ETV6: variants seen among roughly 807,000 people sequenced by gnomAD.
ETV6 encodes ETS variant transcription factor 6, also known as transcription factor ETV6.
A neutral mutation model predicts 51.1 loss-of-function variants in ETV6; 16 were observed. That is an observed-to-expected ratio of 0.31 (90% CI 0.21 to 0.48). ETV6 has a LOEUF of 0.48. ETV6 is among the 20% of genes least tolerant of loss of function. The probability of loss-of-function intolerance (pLI) is 0.99; values close to 1 mark genes in which losing one functional copy is unlikely to be tolerated. For synonymous variants in ETV6, 240 were observed against 224.1 expected (o/e 1.07, Z -0.64); for missense variants, 458 against 594.8 (o/e 0.77, Z 2.39).
intron 4 of ETV6, among the ~76,000 whole-genome samples, chr12:11,854,153 G>A (rs915813692): frequency 1.3e-5 from 2 of 152,054 alleles, no homozygotes; most frequent in Non-Finnish European, 2.9e-5. Flanking sequence ...TCAGCCATTA[G>A]ATTCCCGTAA....
At position 11,874,670 on chromosome 12, in the gene ETV6, ATGTG is replaced by A. The variant is rs1404133180; in HGVS notation, c.1009+4705_1009+4708del. On this transcript the variant is annotated intron_variant, in intron 5 of 7. Coordinates refer to ENST00000396373, the MANE Select transcript of ETV6 (RefSeq NM_001987.5). ...TACACATATGTGTGTATATGTATAT[ATGTG>A]TGTATATATGTATATGTGTGTATAT... Among the ~76,000 whole-genome samples the A allele has an allele frequency of 7.6e-4, 3 of 3,922 alleles. 1 individual carries two copies. Among genetic ancestry groups the A allele is most frequent in the African/African-American group, 8.4e-4 (3 of 3,582 alleles). 2.6% of individuals were successfully genotyped at this position (3,922 alleles called of 152,430 possible). A position where few individuals can be genotyped will look rare whatever the true frequency, so the allele number is the denominator to read the frequency against.
At chr12:11,842,504 A>G (rs886869313) in intron 3 of ETV6, among the ~76,000 whole-genome samples, 3 of 151,976 alleles carry the variant, frequency 2.0e-5, no homozygotes, top group Non-Finnish European at 4.4e-5. Context: ...GGAAAGTTCA[A>G]TGTGGGCAGT....
intron 2 of ETV6, among the ~76,000 whole-genome samples, chr12:11,761,736 G>A (rs1448263008): frequency 1.3e-5 from 2 of 152,146 alleles, no homozygotes; most frequent in African/African-American, 4.8e-5. Context: ...TGATTACTTG[G>A]GTCATCCCAG....
At chr12:11,742,773 T>C (rs1026386577) in intron 1 of ETV6, among the ~76,000 whole-genome samples, 1 of 151,746 alleles carries the variant, frequency 6.6e-6, no homozygotes, top group Non-Finnish European at 1.5e-5. Flanking sequence ...AAATATTTTA[T>C]AAGCTTCATC....
chr12:11,717,484 A>G (rs894114861), intron 1 of ETV6, among the ~76,000 whole-genome samples: 2 of 152,172 alleles, frequency 1.3e-5, no homozygotes, highest in African/African-American at 2.4e-5. Context: ...TCTTTTTGGC[A>G]ACTGCTTTTC....
In ETV6 at chr12:11,853,414, T is replaced by C. The variant is rs1295459550; in HGVS notation, c.329-13T>C. The C allele has an allele frequency of 6.2e-7, 1 of 1,613,850 alleles. No individual in the cohort carries two copies. Among genetic ancestry groups the C allele is most frequent in the South Asian group, 1.1e-5 (1 of 91,072 alleles). ...TTTCCATTTCTCGATTTCCCTTTCCTTTTTCTTTCCAGGTGATGTGCTCTA... is the reference window on the plus strand; with the variant it reads ...TTTCCATTTCTCGATTTCCCTTTCCCTTTTCTTTCCAGGTGATGTGCTCTA... On this transcript the variant is annotated splice_polypyrimidine_tract_variant and intron_variant, in intron 3 of 7. Transcript: ENST00000396373.
chr12:11,857,701 A>AGTAT (rs1225074873), intron 4 of ETV6, among the ~76,000 whole-genome samples: 1 of 152,142 alleles, frequency 6.6e-6, no homozygotes, highest in Non-Finnish European at 1.5e-5. Context: ...AGTGTGTGTG[A>AGTAT]GTATGTATGT....
rs71057779 is a variant in ETV6, at chr12:11,895,289, GAAAA to G, written c.*4250_*4253del. ...TGAATCAAATGAATGTAACAAAAAA[GAAAA>G]AAAAAACAAAAAAAAATGCCTTTTC... On this transcript the variant is annotated 3_prime_UTR_variant, in exon 8 of 8. Transcript: ENST00000396373. 2 of 186,358 alleles carry G rather than the reference GAAAA, an allele frequency of 1.1e-5. No individual in the cohort carries two copies. The highest frequency in any genetic ancestry group is 2.0e-5 in the Non-Finnish European group (2 of 97,796). 11.5% of individuals were successfully genotyped at this position (186,358 alleles called of 1,614,324 possible). A position where few individuals can be genotyped will look rare whatever the true frequency, so the allele number is the denominator to read the frequency against.
At chr12:11,659,587 A>C (rs1428745269) in intron 1 of ETV6, among the ~76,000 whole-genome samples, 2 of 152,214 alleles carry the variant, frequency 1.3e-5, no homozygotes, top group Admixed American at 1.3e-4. Flanking sequence ...TGATGAGGTC[A>C]GTAATCCTGC....
At chr12:11,883,276 CTTTTTTTTTTT>C (rs547786286) in intron 5 of ETV6, among the ~76,000 whole-genome samples, 47,917 of 80,472 alleles carry the variant, frequency 0.6, 12,974 homozygotes, top group South Asian at 0.73. Flanking sequence ...ATGTCTTCTT[CTTTTTTTTTTT>C]TTTTTTTTTT....
chr12:11,675,893 AG>A (rs1241293718), intron 1 of ETV6, among the ~76,000 whole-genome samples: 1 of 152,070 alleles, frequency 6.6e-6, no homozygotes, highest in Admixed American at 6.5e-5. Flanking sequence ...AGGGAGAAGG[AG>A]GGAAAAGAAA....
chr12:11,668,383 G>A (rs1279426579), intron 1 of ETV6, among the ~76,000 whole-genome samples: 1 of 146,340 alleles, frequency 6.8e-6, no homozygotes, highest in Non-Finnish European at 1.5e-5. Context: ...ACTTGGTAAA[G>A]GACTTCGCAC....
intron 1 of ETV6, among the ~76,000 whole-genome samples, chr12:11,685,539 T>A (rs965531039): frequency 1.3e-5 from 2 of 151,518 alleles, no homozygotes; most frequent in Non-Finnish European, 2.9e-5. Context: ...TTTTAATACT[T>A]CTTCTTATCT....
At chr12:11,802,961 C>G (rs1368762092) in intron 2 of ETV6, among the ~76,000 whole-genome samples, 1 of 152,208 alleles carries the variant, frequency 6.6e-6, no homozygotes, top group East Asian at 1.9e-4. Context: ...TGTCTTCAAT[C>G]TATTTCATAT....
rs112594331 is a variant in ETV6, at chr12:11,719,489, A to T, written c.34-32961A>T. On this transcript the variant is annotated intron_variant, in intron 1 of 7. Transcript: ENST00000396373. Reference sequence around the variant, plus strand: ...GTAGCATTTTCCTGCACTGAGATGCAGTCATGCTAGCCTGTCTTTCACTCA... The same window carrying T: ...GTAGCATTTTCCTGCACTGAGATGCTGTCATGCTAGCCTGTCTTTCACTCA... Among the ~76,000 whole-genome samples the T allele has an allele frequency of 2.2e-4, 34 of 152,356 alleles. 1 individual carries two copies. The highest frequency in any genetic ancestry group is 8.2e-4 in the African/African-American group (34 of 41,588).
intron 3 of ETV6, among the ~76,000 whole-genome samples, chr12:11,847,390 G>A (rs1435079713): frequency 6.6e-6 from 1 of 152,070 alleles, no homozygotes; most frequent in African/African-American, 2.4e-5. Flanking sequence ...CAGAAGAAGT[G>A]CCAGGCTGGA....
At chr12:11,665,617 A>G (rs1864179340) in intron 1 of ETV6, among the ~76,000 whole-genome samples, 1 of 152,228 alleles carries the variant, frequency 6.6e-6, no homozygotes, top group African/African-American at 2.4e-5. Context: ...GGTATTTATT[A>G]AGCTTCTGTT....
At chr12:11,752,037 A>G (rs1840955047) in intron 1 of ETV6, among the ~76,000 whole-genome samples, 1 of 152,222 alleles carries the variant, frequency 6.6e-6, no homozygotes, top group Admixed American at 6.5e-5. Context: ...GGATATTGCT[A>G]CAGAAGAGAA....
At chr12:11,841,955 G>A (rs1946396711) in intron 3 of ETV6, among the ~76,000 whole-genome samples, 1 of 151,014 alleles carries the variant, frequency 6.6e-6, no homozygotes, top group African/African-American at 2.4e-5. Context: ...AGTGGCGGGC[G>A]CCTGTAGTCC....
Sources: allele counts gnomAD v4.1 joint callset (sites outside exome capture counted in the v4.1 genomes callset), GRCh38; gene constraint gnomAD v4.1.1; transcripts MANE v1.5; gene names NCBI Gene and HGNC (gene_info 2026-07-23, HGNC 2026-07-21).